Variants in RANBP2 observed in about 807,000 individuals in gnomAD.
RANBP2 encodes the protein E3 SUMO-protein ligase RanBP2.
RANBP2 carries 57 observed loss-of-function variants against 303.6 expected under a neutral mutation model. The observed-to-expected ratio is 0.19, with a 90% CI of 0.15 to 0.23. The LOEUF is 0.23. Among genes scored for constraint, RANBP2 ranks in the 10% least tolerant of loss-of-function variants. The probability of loss-of-function intolerance (pLI) is 1.00; values close to 1 mark genes in which losing one functional copy is unlikely to be tolerated. For missense variants in RANBP2, 3,138 were observed against 3,780.8 expected (o/e 0.83, Z 4.46); for synonymous variants, 1,167 against 1,301.5 (o/e 0.90, Z 2.23).
chr2:109,224,687 G>A, the RANBP2 span, among the ~76,000 whole-genome samples: 3 of 152,242 alleles, frequency 2.0e-5, no homozygotes, highest in African/African-American at 7.2e-5. Flanking sequence ...GTGAAACCCC[G>A]TCTCTACTAA....
the RANBP2 span, among the ~76,000 whole-genome samples, chr2:109,345,678 C>T: frequency 6.6e-6 from 1 of 152,198 alleles, no homozygotes; most frequent in Admixed American, 6.5e-5. Context: ...AGTGAAAATA[C>T]TCCCCTCATG....
intron 6 of RANBP2, among the ~76,000 whole-genome samples, chr2:108,737,829 T>G (rs984020752): frequency 1.3e-5 from 2 of 150,200 alleles, no homozygotes; most frequent in African/African-American, 4.9e-5. Flanking sequence ...TTCTTCTGCC[T>G]CAGCCTCCTG....
At position 108,784,883 on chromosome 2, in the gene RANBP2, A is replaced by C. The variant is rs978405287; in HGVS notation, c.*982A>C. On this transcript the variant is annotated 3_prime_UTR_variant, in exon 29 of 29. Transcript: ENST00000283195. Reference sequence around the variant, plus strand: ...AAAGGCAGTAAATTCAAACTGCTGCATAATTTCCAGAGCTCCTAGTTTCTC... The same window carrying C: ...AAAGGCAGTAAATTCAAACTGCTGCCTAATTTCCAGAGCTCCTAGTTTCTC... 2.0e-5 allele frequency: 3 copies of C among 152,486 alleles called. No homozygotes were observed. The highest frequency in any genetic ancestry group is 4.8e-5 in the African/African-American group (2 of 41,460). The allele number at this position is 152,486 out of a possible 1,614,324, so 9.4% of individuals were successfully genotyped here.
At chr2:109,251,855 T>C in the RANBP2 span, among the ~76,000 whole-genome samples, 2 of 152,182 alleles carry the variant, frequency 1.3e-5, no homozygotes, top group Non-Finnish European at 2.9e-5. Context: ...TTAAAGTACA[T>C]AATGAGTTTT....
the RANBP2 span, among the ~76,000 whole-genome samples, chr2:108,948,052 C>T: frequency 6.6e-6 from 1 of 152,158 alleles, no homozygotes; most frequent in Admixed American, 6.5e-5. Context: ...AGCCAGGTCA[C>T]ATCTTGAATG....
chr2:109,069,459 A>G, the RANBP2 span, among the ~76,000 whole-genome samples: 1 of 152,376 alleles, frequency 6.6e-6, no homozygotes, highest in Non-Finnish European at 1.5e-5. Flanking sequence ...TGAAGCCATC[A>G]GGAGCAAAGC....
chr2:109,463,026 G>A, the RANBP2 span, among the ~76,000 whole-genome samples: 4 of 152,190 alleles, frequency 2.6e-5, no homozygotes, highest in Non-Finnish European at 5.9e-5. Flanking sequence ...AACAGTGTAA[G>A]ATTTTGGTAT....
the RANBP2 span, among the ~76,000 whole-genome samples, chr2:108,961,518 G>A: frequency 2.6e-5 from 4 of 152,206 alleles, no homozygotes; most frequent in Admixed American, 2.6e-4. Flanking sequence ...CCTGGTTCCC[G>A]CTGCCTACAT....
At chr2:109,055,330 A>G in the RANBP2 span, among the ~76,000 whole-genome samples, 1 of 148,610 alleles carries the variant, frequency 6.7e-6, no homozygotes, top group Non-Finnish European at 1.5e-5. Context: ...ATTCCAGTAT[A>G]TGTGTATATG....
the RANBP2 span, among the ~76,000 whole-genome samples, chr2:109,453,733 T>C: frequency 6.6e-6 from 1 of 152,220 alleles, no homozygotes; most frequent in Non-Finnish European, 1.5e-5. Context: ...TACAGGTCAC[T>C]GTACAGGTAA....
the RANBP2 span, among the ~76,000 whole-genome samples, chr2:108,830,329 A>G: frequency 6.6e-6 from 1 of 152,230 alleles, no homozygotes; most frequent in Non-Finnish European, 1.5e-5. Flanking sequence ...TTGGGGATGG[A>G]TAGTGATGAT....
chr2:109,011,406 G>A, the RANBP2 span, among the ~76,000 whole-genome samples: 1 of 152,192 alleles, frequency 6.6e-6, no homozygotes, highest in East Asian at 1.9e-4. Flanking sequence ...CCATTGGGAA[G>A]TGCCAAGCCA....
the RANBP2 span, among the ~76,000 whole-genome samples, chr2:109,113,209 A>G: frequency 6.6e-6 from 1 of 152,130 alleles, no homozygotes; most frequent in Admixed American, 6.6e-5. Context: ...CATTGAATCT[A>G]TAAATTACCT....
At chr2:109,593,083 T>C in the RANBP2 span, 11 of 1,601,156 alleles carry the variant, frequency 6.9e-6, no homozygotes, top group African/African-American at 6.7e-5. Context: ...TGTGAAGACA[T>C]ACAAGTTGTT....
At chr2:109,356,424 G>A in the RANBP2 span, among the ~76,000 whole-genome samples, 1 of 152,196 alleles carries the variant, frequency 6.6e-6, no homozygotes, top group African/African-American at 2.4e-5. Context: ...AGGGTCCACT[G>A]CTCATTCACT....
At chr2:109,111,893 T>C in the RANBP2 span, among the ~76,000 whole-genome samples, 2 of 151,938 alleles carry the variant, frequency 1.3e-5, no homozygotes, top group African/African-American at 4.8e-5. Flanking sequence ...TTTGTTTTTT[T>C]GTCCTTGCGA....
chr2:108,792,177 C>T, the RANBP2 span, among the ~76,000 whole-genome samples: 3 of 152,128 alleles, frequency 2.0e-5, no homozygotes, highest in Non-Finnish European at 4.4e-5. Context: ...ATAGTTGTGG[C>T]GGGATTTCAA....
At chr2:109,042,235 T>C in the RANBP2 span, among the ~76,000 whole-genome samples, 3 of 152,250 alleles carry the variant, frequency 2.0e-5, no homozygotes, top group Non-Finnish European at 4.4e-5. Flanking sequence ...TTTTACTTAT[T>C]CCAGATTTCA....
At chr2:109,462,782 AG>A in the RANBP2 span, among the ~76,000 whole-genome samples, 1 of 152,174 alleles carries the variant, frequency 6.6e-6, no homozygotes, top group Non-Finnish European at 1.5e-5. Flanking sequence ...GGATGGGTTC[AG>A]GGCCATACTT....
Sources: allele counts gnomAD v4.1 joint callset (sites outside exome capture counted in the v4.1 genomes callset), GRCh38; gene constraint gnomAD v4.1.1; transcripts MANE v1.5; gene names NCBI Gene and HGNC (gene_info 2026-07-23, HGNC 2026-07-21).